Variants in MYO5B observed in about 807,000 individuals in gnomAD.
The protein encoded by MYO5B is myosin VB, also known as unconventional myosin-Vb.
In MYO5B, 143 loss-of-function variants were observed where a neutral mutation model predicts 229.3. The ratio of observed to expected loss-of-function variants is 0.62; its 90% CI spans 0.54 to 0.72. The LOEUF is 0.72. MYO5B is among the 30% of genes least tolerant of loss of function. The pLI is 0.00. For missense variants in MYO5B, 2,321 were observed against 2,331.0 expected, an observed-to-expected ratio of 1.00 and a Z score of 0.09; for synonymous variants, 918 against 885.2, an observed-to-expected ratio of 1.04 and a Z score of -0.66.
intron 15 of MYO5B, 91 bp downstream of exon 15, chr18:49,937,154 G>A: frequency 1.3e-6 from 2 of 1,496,938 alleles, no homozygotes; most frequent in South Asian, 2.3e-5. Context: ...TGCTGTGATG[G>A]CTTCCCTCTC....
intron 10 of MYO5B, among the ~76,000 whole-genome samples, chr18:49,966,856 G>A (rs1214291967): frequency 6.6e-6 from 1 of 152,188 alleles, no homozygotes; most frequent in Non-Finnish European, 1.5e-5. Flanking sequence ...GGGCAGCTTG[G>A]GGAAACATCT....
chr18:50,023,060 T>C (rs1344622005), intron 4 of MYO5B, among the ~76,000 whole-genome samples: 3 of 152,220 alleles, frequency 2.0e-5, no homozygotes, highest in African/African-American at 7.2e-5. Context: ...CAAAGGGTCT[T>C]CTAGGCATCT....
intron 1 of MYO5B, among the ~76,000 whole-genome samples, chr18:50,060,219 A>G (rs1209481317): frequency 6.6e-6 from 1 of 152,164 alleles, no homozygotes; most frequent in Admixed American, 6.5e-5. Flanking sequence ...GGTTGTAGAG[A>G]TTGCAAACAG....
intron 1 of MYO5B, among the ~76,000 whole-genome samples, chr18:50,161,793 C>T (rs1388639675): frequency 6.6e-6 from 1 of 152,234 alleles, no homozygotes; most frequent in African/African-American, 2.4e-5. Flanking sequence ...AAGGCAGGAG[C>T]CCCTCCCTGC....
chr18:49,844,928 G>A (rs1176425618), intron 33 of MYO5B, among the ~76,000 whole-genome samples: 2 of 152,234 alleles, frequency 1.3e-5, no homozygotes, highest in African/African-American at 2.4e-5. Flanking sequence ...CCAGTGCCAG[G>A]TACCTAAGAG....
intron 29 of MYO5B, among the ~76,000 whole-genome samples, chr18:49,859,323 C>G (rs1348317986): frequency 6.6e-6 from 1 of 152,174 alleles, no homozygotes; most frequent in Non-Finnish European, 1.5e-5. Context: ...CAGACAAGGC[C>G]TAGGATAATA....
intron 14 of MYO5B, among the ~76,000 whole-genome samples, chr18:49,944,212 C>G (rs189459668): frequency 1.3e-5 from 2 of 152,282 alleles, no homozygotes; most frequent in East Asian, 3.9e-4. Flanking sequence ...CCATTGCACT[C>G]TATTTTACAG....
chr18:49,919,294 C>T (rs1346376942), intron 17 of MYO5B, among the ~76,000 whole-genome samples: 2 of 136,730 alleles, frequency 1.5e-5, no homozygotes, highest in African/African-American at 3.4e-5. Flanking sequence ...TGCAATGACA[C>T]CTAATGCACA....
chr18:49,912,661 A>G (rs1478981265), intron 17 of MYO5B, among the ~76,000 whole-genome samples: 2 of 152,164 alleles, frequency 1.3e-5, no homozygotes, highest in East Asian at 3.8e-4. Context: ...GCCTGCCGCC[A>G]TGTAAGATGT....
chr18:50,069,122 CTG>C (rs2030892031), intron 1 of MYO5B, among the ~76,000 whole-genome samples: 1 of 152,070 alleles, frequency 6.6e-6, no homozygotes, highest in Non-Finnish European at 1.5e-5. Context: ...AGTCCAAAAA[CTG>C]TCCTGGGTGC....
Position 50,052,901 on chromosome 18 carries a change from G to T in MYO5B, c.138+2367C>A, listed in dbSNP as rs115359891. The stretch of plus-strand genomic sequence containing the variant: ...TAAGTCAGAGGTTAGGAATATCATT[G>T]TCTTCCTGGAAGATAATCTAACTGA... On this transcript the variant is annotated intron_variant, in intron 2 of 39. Transcript: ENST00000285039. 9.1e-3 allele frequency among the ~76,000 whole-genome samples: 1,389 copies of T among 152,262 alleles called. 17 individuals are homozygous for T. The highest frequency in any genetic ancestry group is 0.031 in the African/African-American group (1,287 of 41,558).
intron 9 of MYO5B, among the ~76,000 whole-genome samples, chr18:49,979,827 G>C (rs184748289): frequency 1.7e-4 from 26 of 152,296 alleles, no homozygotes; most frequent in Admixed American, 1.6e-3. Flanking sequence ...CAATTGCTGT[G>C]GGTGCCACTT....
At chr18:50,111,852 T>G (rs2031870762) in intron 1 of MYO5B, among the ~76,000 whole-genome samples, 1 of 152,206 alleles carries the variant, frequency 6.6e-6, no homozygotes, top group African/African-American at 2.4e-5. Flanking sequence ...TCATCCCCTC[T>G]TCCTATAAGG....
rs532492997 is a variant in MYO5B, at chr18:49,977,057, G to A, written c.1057-2442C>T. 2.6e-5 allele frequency among the ~76,000 whole-genome samples: 4 copies of A among 152,216 alleles called. No individual in the cohort carries two copies. The East Asian group carries it at 5.8e-4, about 22-fold the overall frequency. ...CACCCTCCCCTGCCTAAGGCCTCGC[G>A]CTGTGAGTGCAGTGGAGAAAGCACA... On this transcript the variant is annotated intron_variant, in intron 9 of 39. Coordinates refer to ENST00000285039, the MANE Select transcript of MYO5B (RefSeq NM_001080467.3).
At chr18:50,035,814 C>T (rs993827908) in intron 4 of MYO5B, among the ~76,000 whole-genome samples, 3 of 152,192 alleles carry the variant, frequency 2.0e-5, no homozygotes, top group African/African-American at 7.2e-5. Flanking sequence ...TTTCAGCTCT[C>T]CAATCAGTGC....
At chr18:49,966,451 T>C (rs2144267501) in intron 10 of MYO5B, among the ~76,000 whole-genome samples, 1 of 152,250 alleles carries the variant, frequency 6.6e-6, no homozygotes, top group South Asian at 2.1e-4. Flanking sequence ...CAGATGATAG[T>C]CTTAAAGACT....
intron 1 of MYO5B, among the ~76,000 whole-genome samples, chr18:50,099,758 G>A (rs2031620001): frequency 6.6e-6 from 1 of 152,186 alleles, no homozygotes; most frequent in Non-Finnish European, 1.5e-5. Flanking sequence ...AGTTAGCTGA[G>A]AAATACACGG....
chr18:50,090,487 G>A (rs1299572007), intron 1 of MYO5B, among the ~76,000 whole-genome samples: 1 of 152,092 alleles, frequency 6.6e-6, no homozygotes, highest in East Asian at 1.9e-4. Flanking sequence ...ATCCCTCCTT[G>A]AGTTGTCACC....
chr18:49,876,348 A>C (rs898255601), intron 25 of MYO5B: 3 of 246,460 alleles, frequency 1.2e-5, no homozygotes, highest in Admixed American at 5.2e-5. Flanking sequence ...TCTATTTCCC[A>C]GATTTTGTTC....
Sources: allele counts gnomAD v4.1 joint callset (sites outside exome capture counted in the v4.1 genomes callset), GRCh38; gene constraint gnomAD v4.1.1; transcripts MANE v1.5; gene names NCBI Gene and HGNC (gene_info 2026-07-23, HGNC 2026-07-21).